FZD3: variants seen among roughly 807,000 people sequenced by gnomAD.
The protein encoded by FZD3 is frizzled-3.
In FZD3, 30 loss-of-function variants were observed where a neutral mutation model predicts 60.7. That is an observed-to-expected ratio of 0.49 (90% CI 0.37 to 0.67). The LOEUF is 0.67. FZD3 is among the 30% of genes least tolerant of loss of function. FZD3 has a pLI of 0.00. For synonymous variants in FZD3, 246 were observed against 275.2 expected (o/e 0.89, Z 1.05); for missense variants, 605 against 838.7 (o/e 0.72, Z 3.44).
chr8:28,550,789 G>T (rs1028920478), intron 5 of FZD3, among the ~76,000 whole-genome samples: 9 of 151,244 alleles, frequency 6.0e-5, no homozygotes, highest in African/African-American at 2.2e-4. Context: ...ACCACGCCTG[G>T]CCTATTCTTC....
At chr8:28,503,768 C>CT (rs2130279178) in intron 3 of FZD3, among the ~76,000 whole-genome samples, 1 of 152,234 alleles carries the variant, frequency 6.6e-6, no homozygotes, top group South Asian at 2.1e-4. Flanking sequence ...AGGCAGTAAG[C>CT]AGTGGTGGTA....
Position 28,551,662 on chromosome 8 carries a change from C to T in FZD3, c.1464C>T (p.Leu488=), listed in dbSNP as rs773340232. The change falls in exon 6 of 8, where the codon CTC becomes CTT. Residue 488 remains leucine, a synonymous_variant. Transcript: ENST00000240093. ...TTCTGATGAAATACCTGATGGCTCTCATAGTTGGCATTCCCTCTGTATTTT... is the reference window on the plus strand; with the variant it reads ...TTCTGATGAAATACCTGATGGCTCTTATAGTTGGCATTCCCTCTGTATTTT... ...ILFLMKYLMA[L]IVGIPSVFWV... is the part of the protein sequence containing the mutation. 124 of 1,610,838 alleles carry T rather than the reference C, an allele frequency of 7.7e-5. No homozygotes were observed. In the Middle Eastern group the frequency reaches 1.2e-3, roughly 15 times the overall value.
chr8:28,562,659 A>G, intron 7 of FZD3, 139 bp from the exon 8 acceptor site: 1 of 630,648 alleles, frequency 1.6e-6, no homozygotes, highest in Non-Finnish European at 2.8e-6. Flanking sequence ...GAAGTTAAGC[A>G]ATCAAAAGTT....
chr8:28,558,655 C>T (rs1349351888), intron 7 of FZD3, among the ~76,000 whole-genome samples: 4 of 152,178 alleles, frequency 2.6e-5, no homozygotes, highest in East Asian at 1.9e-4. Context: ...TGGTCTCGAA[C>T]TCCTGGCGTC....
In FZD3 at chr8:28,518,139, G is replaced by A. The variant is rs1356038442; in HGVS notation, c.190-2499G>A. 2.6e-5 allele frequency among the ~76,000 whole-genome samples: 4 copies of A among 151,958 alleles called. No individual in the cohort carries two copies. The South Asian group carries it at 6.2e-4, about 24-fold the overall frequency. The stretch of plus-strand genomic sequence containing the variant: ...GCAGCTTTGATCATAGCTTACTGCA[G>A]CCTCGAACTCCTGGGCTCAAGTGAT... On this transcript the variant is annotated intron_variant, in intron 3 of 7. Transcript: ENST00000240093.
chr8:28,527,788 C>T lies in FZD3; in HGVS notation c.1028C>T (p.Thr343Ile), dbSNP rs752082426. 2 of 1,613,996 alleles carry T rather than the reference C, an allele frequency of 1.2e-6. No individual in the cohort carries two copies. Among genetic ancestry groups the T allele is most frequent in the African/African-American group, 2.7e-5 (2 of 74,916 alleles). Residue 343 changes from threonine to isoleucine, a missense_variant, in exon 5 of 8, where the codon ACC (threonine) becomes ATC (isoleucine). Coordinates refer to ENST00000240093, the MANE Select transcript of FZD3 (RefSeq NM_017412.4). This position sits in a 1 kb window ranked among gnomAD's most constrained non-coding sequence, Gnocchi z 5.0. Reference sequence around the variant, plus strand: ...GCATGGGGCATCCCCGGAACTCTAACCATCATCCTTTTAGCGATGAATAAA... The same window carrying T: ...GCATGGGGCATCCCCGGAACTCTAATCATCATCCTTTTAGCGATGAATAAA... ...ASAWGIPGTL[T>I]IILLAMNKIE...
At position 28,494,306 on chromosome 8, in the gene FZD3, G is replaced by GCGCC. The variant is rs1554530328; in HGVS notation, c.-427_-426insGCCC. ...GCGGCCGCCCGCGGCAGGCGGTGCA[G>GCGCC]CCCCCCCACCCCTTGGAGCCAGGCG... On this transcript the variant is annotated 5_prime_UTR_variant, in exon 1 of 8. Transcript: ENST00000240093. 1 of 151,352 alleles carries GCGCC rather than the reference G, an allele frequency of 6.6e-6. No homozygotes were observed. Among genetic ancestry groups the GCGCC allele is most frequent in the African/African-American group, 2.4e-5 (1 of 41,232 alleles). 9.4% of individuals were successfully genotyped at this position (151,352 alleles called of 1,614,324 possible). A position where few individuals can be genotyped will look rare whatever the true frequency, so the allele number is the denominator to read the frequency against.
intron 6 of FZD3, among the ~76,000 whole-genome samples, chr8:28,555,040 TAGC>T (rs1180686827): frequency 2.0e-5 from 3 of 152,200 alleles, no homozygotes; most frequent in Non-Finnish European, 2.9e-5. Flanking sequence ...AGTCCTTTGA[TAGC>T]AGTTAAAATT....
At chr8:28,501,745 GA>G (rs1191811922) in intron 2 of FZD3, among the ~76,000 whole-genome samples, 2 of 152,100 alleles carry the variant, frequency 1.3e-5, no homozygotes, top group African/African-American at 4.8e-5. Flanking sequence ...AAGCTCTGTG[GA>G]AACAATAACT....
At chr8:28,549,665 G>A (rs1402025001) in intron 5 of FZD3, among the ~76,000 whole-genome samples, 1 of 152,004 alleles carries the variant, frequency 6.6e-6, no homozygotes, top group Non-Finnish European at 1.5e-5. Flanking sequence ...TATTTCTAGT[G>A]GCTTTTGGTG....
At chr8:28,507,790 T>A (rs1235725134) in intron 3 of FZD3, among the ~76,000 whole-genome samples, 4 of 28,818 alleles carry the variant, frequency 1.4e-4, no homozygotes, top group Non-Finnish European at 3.0e-4. Context: ...AACTCAAGGA[T>A]TTTTTTTTTT....
chr8:28,537,615 TA>T (rs1241046790), intron 5 of FZD3, among the ~76,000 whole-genome samples: 26 of 152,210 alleles, frequency 1.7e-4, no homozygotes, highest in South Asian at 2.1e-4. Flanking sequence ...AATAAAGCTT[TA>T]TTTGTAGAAA....
At chr8:28,557,223 A>AT (rs1805526392) in intron 7 of FZD3, among the ~76,000 whole-genome samples, 1 of 134,144 alleles carries the variant, frequency 7.5e-6, no homozygotes, top group Non-Finnish European at 1.6e-5. Context: ...AAAAAAAAAA[A>AT]AAAGAAGAAG....
At chr8:28,551,285 A>G (rs1805406334) in intron 5 of FZD3, among the ~76,000 whole-genome samples, 1 of 152,230 alleles carries the variant, frequency 6.6e-6, no homozygotes, top group Admixed American at 6.5e-5. Context: ...TAATCCCAGC[A>G]CTTTGGGAGG....
Position 28,572,828 on chromosome 8 carries a change from G to A in FZD3, c.*9817G>A, listed in dbSNP as rs1805830567. On this transcript the variant is annotated 3_prime_UTR_variant, in exon 8 of 8. Transcript: ENST00000240093. ...TCATTATAAAAGTATATGAGTTGAA[G>A]ATCATATAAAAAATATGAAACTCCT... 6.6e-6 allele frequency: 1 copy of A among 151,996 alleles called. No individual in the cohort carries two copies. Among genetic ancestry groups the A allele is most frequent in the African/African-American group, 2.4e-5 (1 of 41,458 alleles). The allele number at this position is 151,996 out of a possible 1,614,324, so 9.4% of individuals were successfully genotyped here.
At chr8:28,544,374 A>T (rs1443885071) in intron 5 of FZD3, among the ~76,000 whole-genome samples, 1 of 152,076 alleles carries the variant, frequency 6.6e-6, no homozygotes, top group East Asian at 1.9e-4. Context: ...TCATTTAGAA[A>T]TTTATTGTGT....
At chr8:28,553,535 A>T (rs1427188204) in intron 6 of FZD3, among the ~76,000 whole-genome samples, 1 of 152,250 alleles carries the variant, frequency 6.6e-6, no homozygotes, top group Non-Finnish European at 1.5e-5. Flanking sequence ...TAGAAATTCC[A>T]GATAGAGCTA....
At chr8:28,558,026 C>A (rs1212834692) in intron 7 of FZD3, among the ~76,000 whole-genome samples, 1 of 152,166 alleles carries the variant, frequency 6.6e-6, no homozygotes, top group East Asian at 1.9e-4. Context: ...GTTAAGGTAA[C>A]AGCACATGCA....
intron 4 of FZD3, among the ~76,000 whole-genome samples, chr8:28,522,755 A>G (rs1191514072): frequency 1.3e-5 from 2 of 149,904 alleles, no homozygotes; most frequent in Admixed American, 6.8e-5. Flanking sequence ...AAATTCTGAA[A>G]AAGGGAACTT....
Sources: gnomAD v4.1 joint callset for allele counts (sites outside exome capture counted in the v4.1 genomes callset) on GRCh38, gnomAD v4.1.1 for gene constraint, Gnocchi (gnomAD v3.1) non-coding constraint, MANE v1.5 for transcripts, NCBI Gene and HGNC (gene_info 2026-07-23, HGNC 2026-07-21) for gene names.